The following ITGA8 variants were observed in gnomAD, a reference collection of about 807,000 sequenced individuals.
The protein encoded by ITGA8 is integrin subunit alpha 8, also known as integrin alpha-8.
In ITGA8, 91 loss-of-function variants were observed where a neutral mutation model predicts 142.3. The observed-to-expected ratio is 0.64, with a 90% CI of 0.54 to 0.76. The LOEUF (loss-of-function observed/expected upper bound fraction) is 0.76, where lower values mean the gene tolerates loss of function less well. Among genes scored for constraint, ITGA8 ranks in the 30% least tolerant of loss-of-function variants. The pLI, the probability that ITGA8 is intolerant of heterozygous loss-of-function variation, is 0.00. For synonymous variants in ITGA8, 505 were observed against 485.2 expected (o/e 1.04, Z -0.54); for missense variants, 1,406 against 1,327.7 (o/e 1.06, Z -0.92).
At chr10:15,544,020 C>G (rs1316034016) in intron 27 of ITGA8, among the ~76,000 whole-genome samples, 1 of 152,152 alleles carries the variant, frequency 6.6e-6, no homozygotes, top group Non-Finnish European at 1.5e-5. Context: ...AGGGGCCAGG[C>G]CTGGTGGTTC....
intron 23 of ITGA8, among the ~76,000 whole-genome samples, chr10:15,583,410 T>C (rs533822845): frequency 6.6e-4 from 101 of 152,254 alleles, no homozygotes; most frequent in South Asian, 2.5e-3. Context: ...AAATACCTAA[T>C]GTAGATGATG....
intron 13 of ITGA8, among the ~76,000 whole-genome samples, chr10:15,624,455 C>T (rs903850402): frequency 3.9e-4 from 59 of 152,202 alleles, no homozygotes; most frequent in African/African-American, 1.3e-3. Context: ...CAATCCAGGA[C>T]TCTGCTTTGC....
chr10:15,664,718 C>A (rs1013391529), intron 8 of ITGA8, among the ~76,000 whole-genome samples: 4 of 149,206 alleles, frequency 2.7e-5, no homozygotes, highest in African/African-American at 9.9e-5. Context: ...TTCCTGTGTC[C>A]ATGTGCTCTC....
At chr10:15,636,648 C>T (rs1463059274) in intron 13 of ITGA8, among the ~76,000 whole-genome samples, 1 of 152,186 alleles carries the variant, frequency 6.6e-6, no homozygotes, top group Admixed American at 6.5e-5. Flanking sequence ...CCTGCCACCT[C>T]CTCTCCCTTC....
At chr10:15,647,671 C>T (rs1448458384) in intron 11 of ITGA8, among the ~76,000 whole-genome samples, 1 of 150,640 alleles carries the variant, frequency 6.6e-6, no homozygotes, top group Non-Finnish European at 1.5e-5. Flanking sequence ...ACCTTGTTAG[C>T]CAGGATGGTC....
At chr10:15,560,714 C>G (rs1237946933) in intron 25 of ITGA8, among the ~76,000 whole-genome samples, 2 of 152,084 alleles carry the variant, frequency 1.3e-5, no homozygotes, top group South Asian at 4.1e-4. Flanking sequence ...AGGTTTACAA[C>G]AGCAAATGTA....
At chr10:15,549,646 T>C (rs542920828) in intron 26 of ITGA8, among the ~76,000 whole-genome samples, 67 of 152,214 alleles carry the variant, frequency 4.4e-4, no homozygotes, top group Non-Finnish European at 4.7e-4. Context: ...TTGTGGCCCA[T>C]GCGTATTCAT....
At chr10:15,718,662 C>G in intron 2 of ITGA8, 104 bp downstream of exon 2, 1 of 1,424,062 alleles carries the variant, frequency 7.0e-7, no homozygotes, top group Admixed American at 2.0e-5. Flanking sequence ...ACATATCAGA[C>G]AAGCTAAACG....
intron 2 of ITGA8, among the ~76,000 whole-genome samples, chr10:15,694,292 T>C (rs1834997105): frequency 7.9e-6 from 1 of 127,304 alleles, no homozygotes; most frequent in African/African-American, 3.4e-5. Context: ...TCAGATAATA[T>C]ATCATATATA....
intron 11 of ITGA8, among the ~76,000 whole-genome samples, chr10:15,652,539 G>A (rs1000934579): frequency 2.6e-5 from 4 of 151,322 alleles, no homozygotes; most frequent in African/African-American, 7.3e-5. Flanking sequence ...GGCATGCTAT[G>A]TCTGGCCTTC....
At chr10:15,704,844 T>A (rs1835228452) in intron 2 of ITGA8, among the ~76,000 whole-genome samples, 1 of 152,206 alleles carries the variant, frequency 6.6e-6, no homozygotes, top group South Asian at 2.1e-4. Context: ...GAAGGCTGTA[T>A]AAATTTGCCT....
intron 23 of ITGA8, among the ~76,000 whole-genome samples, chr10:15,580,968 A>T (rs1834397061): frequency 6.6e-6 from 1 of 152,232 alleles, no homozygotes; most frequent in South Asian, 2.1e-4. Context: ...GTATGTAACA[A>T]ATAATTTAAC....
At chr10:15,546,550 C>A (rs1833672880) in intron 27 of ITGA8, among the ~76,000 whole-genome samples, 1 of 152,164 alleles carries the variant, frequency 6.6e-6, no homozygotes, top group Non-Finnish European at 1.5e-5. Context: ...GTGCTACCAG[C>A]ACCTACTAGG....
In ITGA8 at chr10:15,607,744, C is replaced by T. The variant is rs141936599; in HGVS notation, c.1697G>A (p.Arg566His). ...TLFLDNHQAH[R>H]VFPLVIKRQK... Reference sequence around the variant, plus strand: ...CCTTTTTATCACAAGAGGGAAGACGCGATGAGCCTGATGGTTATCAAGGAA... The same window carrying T: ...CCTTTTTATCACAAGAGGGAAGACGTGATGAGCCTGATGGTTATCAAGGAA... Residue 566 changes from arginine to histidine, a missense_variant, in exon 17 of 30, where the codon CGC (arginine) becomes CAC (histidine). Transcript: ENST00000378076. 8.1e-6 allele frequency: 13 copies of T among 1,613,602 alleles called. No homozygotes were observed. In the East Asian group the frequency reaches 8.9e-5, roughly 11 times the overall value.
At chr10:15,689,193 A>G (rs964704560) in intron 2 of ITGA8, among the ~76,000 whole-genome samples, 1 of 152,248 alleles carries the variant, frequency 6.6e-6, no homozygotes, top group Non-Finnish European at 1.5e-5. Context: ...ATAGCATTTA[A>G]AAAGTACTTA....
intron 27 of ITGA8, among the ~76,000 whole-genome samples, chr10:15,535,219 C>G (rs539376657): frequency 8.5e-5 from 13 of 152,258 alleles, no homozygotes; most frequent in African/African-American, 1.2e-4. Flanking sequence ...AGCCTCCCCC[C>G]ACCCTCCGTG....
At chr10:15,606,498 A>G in intron 17 of ITGA8, 76 bp from the exon 18 acceptor site, 1 of 1,396,188 alleles carries the variant, frequency 7.2e-7, no homozygotes, top group Non-Finnish European at 9.9e-7. Flanking sequence ...AAGTCAGGCA[A>G]CACTGGAATT....
rs552201048 is a variant in ITGA8, at chr10:15,544,890, C to T, written c.2880+3565G>A. ...TCGCCATGTTAGGAGATCGCTCAAG[C>T]AGCACTGTGGAGAGGGCCACGTGGT... On this transcript the variant is annotated intron_variant, in intron 27 of 29. Coordinates refer to ENST00000378076, the MANE Select transcript of ITGA8 (RefSeq NM_003638.3). Among the ~76,000 whole-genome samples, 6 of 152,294 alleles carry T rather than the reference C, an allele frequency of 3.9e-5. No homozygotes were observed. The South Asian group carries it at 1.2e-3, about 32-fold the overall frequency.
intron 13 of ITGA8, among the ~76,000 whole-genome samples, chr10:15,643,159 T>C (rs188842336): frequency 6.6e-6 from 1 of 152,370 alleles, no homozygotes; most frequent in African/African-American, 2.4e-5. Context: ...TGGCTTTCCA[T>C]GTGCCTTCAA....
Sources: gnomAD v4.1 joint callset for allele counts (sites outside exome capture counted in the v4.1 genomes callset) on GRCh38, gnomAD v4.1.1 for gene constraint, MANE v1.5 for transcripts, NCBI Gene and HGNC (gene_info 2026-07-23, HGNC 2026-07-21) for gene names.